Variants in FER1L6 observed in about 807,000 individuals in gnomAD.
The protein encoded by FER1L6 is fer-1 like family member 6.
Under a neutral mutation model 219.2 loss-of-function variants are expected in FER1L6, and 177 were observed. The ratio of observed to expected loss-of-function variants is 0.81; its 90% CI spans 0.71 to 0.91. The LOEUF is 0.91. Ranked by LOEUF, FER1L6 falls within the 40% of genes least tolerant of loss-of-function variation. The probability of loss-of-function intolerance (pLI) is 0.00; values close to 1 mark genes in which losing one functional copy is unlikely to be tolerated. For synonymous variants in FER1L6, 768 were observed against 824.3 expected (o/e 0.93, Z 1.17); for missense variants, 2,153 against 2,259.9 (o/e 0.95, Z 0.96).
intron 1 of FER1L6, among the ~76,000 whole-genome samples, chr8:123,912,031 G>A (rs544332846): frequency 6.6e-6 from 1 of 152,090 alleles, no homozygotes; most frequent in Non-Finnish European, 1.5e-5. Context: ...GCAAATAAGG[G>A]AGTGCACTGA....
At chr8:124,070,725 C>A (rs1821034346) in intron 30 of FER1L6, 127 bp downstream of exon 30, 2 of 828,148 alleles carry the variant, frequency 2.4e-6, no homozygotes, top group East Asian at 6.2e-5. Flanking sequence ...TTACTCAAGT[C>A]CCTCTCTAGA....
chr8:123,944,291 A>G (rs1563698461), intron 1 of FER1L6, among the ~76,000 whole-genome samples: 2 of 148,616 alleles, frequency 1.3e-5, no homozygotes, highest in Non-Finnish European at 3.0e-5. Flanking sequence ...CTTATTATAT[A>G]TATTATATAT....
At chr8:124,000,827 C>T (rs780106367) in intron 12 of FER1L6, among the ~76,000 whole-genome samples, 1 of 152,082 alleles carries the variant, frequency 6.6e-6, no homozygotes, top group East Asian at 1.9e-4. Context: ...CCTTTTAAGC[C>T]GTACAGCTGG....
chr8:124,061,119 C>T (rs1411524979), intron 24 of FER1L6, among the ~76,000 whole-genome samples: 8 of 152,182 alleles, frequency 5.3e-5, no homozygotes, highest in Non-Finnish European at 1.0e-4. Context: ...GAACCACTGG[C>T]CTAGAAAATA....
At chr8:123,970,344 T>C (rs1815745397) in intron 6 of FER1L6, among the ~76,000 whole-genome samples, 1 of 152,222 alleles carries the variant, frequency 6.6e-6, no homozygotes, top group South Asian at 2.1e-4. Flanking sequence ...CTATTACTGA[T>C]TGAATCATGT....
chr8:123,862,376 T>A (rs1816761370), intron 1 of FER1L6, among the ~76,000 whole-genome samples: 2 of 131,928 alleles, frequency 1.5e-5, no homozygotes. Context: ...CTGGATTCGG[T>A]TTGCCAGTAT....
At chr8:124,026,418 T>G in intron 18 of FER1L6, among the ~76,000 whole-genome samples, 1 of 152,138 alleles carries the variant, frequency 6.6e-6, no homozygotes, top group East Asian at 1.9e-4. Flanking sequence ...GGTAAAGAGA[T>G]AGCAGTTCTT....
intron 6 of FER1L6, among the ~76,000 whole-genome samples, chr8:123,973,075 A>G (rs1359918492): frequency 6.6e-6 from 1 of 152,184 alleles, no homozygotes; most frequent in Non-Finnish European, 1.5e-5. Flanking sequence ...GAGAAAAGGA[A>G]CACTTTCAGT....
intron 1 of FER1L6, among the ~76,000 whole-genome samples, chr8:123,854,326 G>C (rs975347555): frequency 1.1e-4 from 17 of 152,136 alleles, no homozygotes; most frequent in Admixed American, 1.1e-3. Context: ...TCCAAGCTCT[G>C]GGGAAATCCA....
chr8:123,962,687 G>A lies in FER1L6; in HGVS notation c.77-591G>A, dbSNP rs148104951. ...TTTGCCCAGGCTAGAGTGAAGTGGC[G>A]CGATCTCAGCTTAGCTGCAACATCT... On this transcript the variant is annotated intron_variant, in intron 2 of 40. Coordinates refer to ENST00000522917, the MANE Select transcript of FER1L6 (RefSeq NM_001039112.2). Among the ~76,000 whole-genome samples, 1,386 of 152,230 alleles carry A rather than the reference G, an allele frequency of 9.1e-3. 21 individuals are homozygous for A. The highest frequency in any genetic ancestry group is 0.031 in the African/African-American group (1,301 of 41,538).
At chr8:124,074,645 C>T (rs1821204183) in intron 31 of FER1L6, among the ~76,000 whole-genome samples, 2 of 143,320 alleles carry the variant, frequency 1.4e-5, no homozygotes, top group Non-Finnish European at 1.5e-5. Context: ...GAGCAAGATA[C>T]TGTCTAAAAA....
At chr8:124,118,800 G>A in intron 39 of FER1L6, 44 bp from the exon 40 acceptor site, 1 of 1,565,058 alleles carries the variant, frequency 6.4e-7, no homozygotes, top group Non-Finnish European at 8.8e-7. Context: ...TTGGCTCAGT[G>A]GGTCTTTGTG....
chr8:123,988,676 C>T (rs554142656), intron 12 of FER1L6, among the ~76,000 whole-genome samples: 2 of 152,302 alleles, frequency 1.3e-5, no homozygotes, highest in African/African-American at 2.4e-5. Context: ...GTTGATTTTG[C>T]ATCCTGCAAC....
chr8:124,026,301 A>G (rs1045967408), intron 18 of FER1L6, among the ~76,000 whole-genome samples: 10 of 152,194 alleles, frequency 6.6e-5, no homozygotes, highest in Admixed American at 1.3e-4. Flanking sequence ...CCTAACTCAT[A>G]GCTGACTGTC....
chr8:124,034,334 G>C (rs552601275), intron 18 of FER1L6, among the ~76,000 whole-genome samples: 19 of 152,246 alleles, frequency 1.2e-4, no homozygotes, highest in African/African-American at 4.1e-4. Flanking sequence ...CCTTAGAGGG[G>C]TAAGGGAGTA....
At chr8:124,064,749 G>T (rs1255258101) in intron 26 of FER1L6, among the ~76,000 whole-genome samples, 176 bp downstream of exon 26, 2 of 152,218 alleles carry the variant, frequency 1.3e-5, no homozygotes, top group African/African-American at 4.8e-5. Context: ...CTTTGTTATA[G>T]GATCAGAAGG....
chr8:124,064,241 C>T (rs897207813), intron 25 of FER1L6, 106 bp from the exon 26 acceptor site: 14 of 870,984 alleles, frequency 1.6e-5, no homozygotes, highest in African/African-American at 8.5e-5. Context: ...ATATTAGCAA[C>T]CTGACGTATT....
intron 32 of FER1L6, among the ~76,000 whole-genome samples, chr8:124,080,595 G>C (rs1821501646): frequency 6.6e-6 from 1 of 152,168 alleles, no homozygotes; most frequent in Admixed American, 6.5e-5. Context: ...TGGGATTATA[G>C]TCGTGAGCCA....
chr8:124,070,701 A>C, intron 30 of FER1L6, 103 bp downstream of exon 30: 1 of 1,028,220 alleles, frequency 9.7e-7, no homozygotes, highest in Non-Finnish European at 1.4e-6. Flanking sequence ...GTGTGTAGGG[A>C]AAATCCTTAA....
Sources: allele counts gnomAD v4.1 joint callset (sites outside exome capture counted in the v4.1 genomes callset), GRCh38; gene constraint gnomAD v4.1.1; transcripts MANE v1.5; gene names NCBI Gene and HGNC (gene_info 2026-07-23, HGNC 2026-07-21).